Variants in RADIL observed in about 807,000 individuals in gnomAD.
The protein encoded by RADIL is ras-associating and dilute domain-containing protein.
RADIL carries 99 observed loss-of-function variants against 97.6 expected under a neutral mutation model. The observed-to-expected ratio is 1.01, with a 90% CI of 0.86 to 1.20. The LOEUF is 1.20. Ranked by LOEUF, RADIL falls within the 50% of genes most tolerant of loss-of-function variation. The pLI is 0.00. For synonymous variants in RADIL, 803 were observed against 691.8 expected (o/e 1.16, Z -2.52); for missense variants, 1,765 against 1,498.9 (o/e 1.18, Z -2.93).
rs73671960 is a variant in RADIL, at chr7:4,820,306, G to A, written c.1615+2088C>T. ...GAGAGGCGACGGGCGCTGTAGTCCC[G>A]GGAGCCCAGGAGCCCCAGGGGAGGC... On this transcript the variant is annotated intron_variant, in intron 6 of 14. Transcript: ENST00000399583. Among the ~76,000 whole-genome samples, 807 of 152,314 alleles carry A rather than the reference G, an allele frequency of 5.3e-3. 8 individuals carry two copies. Among genetic ancestry groups the A allele is most frequent in the African/African-American group, 0.019 (782 of 41,574 alleles).
Position 4,815,855 on chromosome 7 carries a change from G to T in RADIL, c.1966+373C>A, listed in dbSNP as rs1005869735. Among the ~76,000 whole-genome samples, 2 of 152,188 alleles carry T rather than the reference G, an allele frequency of 1.3e-5. No individual in the cohort carries two copies. The highest frequency in any genetic ancestry group is 2.9e-5 in the Non-Finnish European group (2 of 68,024). On this transcript the variant is annotated intron_variant, in intron 8 of 14. Transcript: ENST00000399583. This position sits in a 1 kb window ranked among gnomAD's most constrained non-coding sequence, Gnocchi z 8.0. ...TGGGGGAAGTCACTCCACAAGGCAG[G>T]GTCCAAGGCCAGAGTCCGCGGCTGC... is the stretch of plus-strand genomic sequence containing the variant.
rs566578135 is a variant in RADIL, at chr7:4,837,348, C to T, written c.536-743G>A. Among the ~76,000 whole-genome samples the T allele has an allele frequency of 7.9e-5, 12 of 152,306 alleles. No individual in the cohort carries two copies. The highest frequency in any genetic ancestry group is 1.3e-4 in the Non-Finnish European group (9 of 68,028). On this transcript the variant is annotated intron_variant, in intron 2 of 14. Coordinates refer to ENST00000399583, the MANE Select transcript of RADIL (RefSeq NM_018059.5). This position sits in a 1 kb window ranked among gnomAD's most constrained non-coding sequence, Gnocchi z 5.6. Reference sequence around the variant, plus strand: ...CTGCCCCATCCATCTGTGCACCAGGCGAAACTCCCCTGGGGGTGGTGCTCT... The same window carrying T: ...CTGCCCCATCCATCTGTGCACCAGGTGAAACTCCCCTGGGGGTGGTGCTCT...
intron 2 of RADIL, chr7:4,860,794 A>C (rs536555553): frequency 3.1e-6 from 5 of 1,614,146 alleles, no homozygotes; most frequent in Non-Finnish European, 1.7e-6. Context: ...TAAACTCCTC[A>C]ATCATGACCA....
At chr7:4,861,284 A>G in intron 2 of RADIL, 1 of 1,614,154 alleles carries the variant, frequency 6.2e-7, no homozygotes, top group East Asian at 2.2e-5. Flanking sequence ...AATAGTCTGT[A>G]GTGCTAATCT....
chr7:4,877,599 C>T lies in RADIL; in HGVS notation c.535+6G>A. Reference sequence around the variant, plus strand: ...CGGCTCTTCCTGAACCTGTGGCCCCCCTCACCTGCCGTGATGGTGTCCACC... The same window carrying T: ...CGGCTCTTCCTGAACCTGTGGCCCCTCTCACCTGCCGTGATGGTGTCCACC... On this transcript the variant is annotated splice_donor_region_variant and intron_variant, in intron 2 of 14. Coordinates refer to ENST00000399583, the MANE Select transcript of RADIL (RefSeq NM_018059.5). 1 of 1,583,166 alleles carries T rather than the reference C, an allele frequency of 6.3e-7. No individual in the cohort carries two copies. Among genetic ancestry groups the T allele is most frequent in the African/African-American group, 1.3e-5 (1 of 74,108 alleles).
intron 11 of RADIL, 144 bp from the exon 12 acceptor site, chr7:4,802,139 G>A (rs1782108901): frequency 2.9e-6 from 2 of 678,240 alleles, no homozygotes; most frequent in Non-Finnish European, 4.9e-6. Flanking sequence ...TGCAGCTTGA[G>A]ACGCGCAAGA....
chr7:4,834,500 G>A lies in RADIL; in HGVS notation c.1416+107C>T, dbSNP rs1583293409. 7 of 1,194,434 alleles carry A rather than the reference G, an allele frequency of 5.9e-6. No individual in the cohort carries two copies. Among genetic ancestry groups the A allele is most frequent in the South Asian group, 4.1e-5 (1 of 24,376 alleles). The allele number at this position is 1,194,434 out of a possible 1,614,324, so 74.0% of individuals were successfully genotyped here. ...GCCCTGCGCTCAGCAGCACAGCACC[G>A]TGGGGGTCAGATAGAGGCGCTCCCG... On this transcript the variant is annotated intron_variant, in intron 4 of 14. Transcript: ENST00000399583. The surrounding 1 kb of genome is among the most constrained non-coding windows in gnomAD (Gnocchi z 6.0).
chr7:4,870,588 C>A (rs1426865713), intron 2 of RADIL, among the ~76,000 whole-genome samples: 1 of 152,132 alleles, frequency 6.6e-6, no homozygotes, highest in East Asian at 1.9e-4. Flanking sequence ...ATTACAGGTG[C>A]CCACCACCAT....
Position 4,878,252 on chromosome 7 carries a change from G to C in RADIL, c.-64-49C>G. The C allele has an allele frequency of 1.0e-5, 12 of 1,203,978 alleles. No individual in the cohort carries two copies. Among genetic ancestry groups the C allele is most frequent in the Non-Finnish European group, 1.0e-5 (9 of 887,876 alleles). 74.6% of individuals were successfully genotyped at this position (1,203,978 alleles called of 1,614,324 possible). ...TAGCGCCAACCATCGTGACCACCAA[G>C]AGCAAATGAGGCCACAGGCGGTGAC... On this transcript the variant is annotated intron_variant, in intron 1 of 14. Transcript: ENST00000399583. The surrounding 1 kb of genome is among the most constrained non-coding windows in gnomAD (Gnocchi z 4.1).
At position 4,878,748 on chromosome 7, in the gene RADIL, C is replaced by T. The variant is rs1289472717; in HGVS notation, c.-64-545G>A. On this transcript the variant is annotated intron_variant, in intron 1 of 14. Transcript: ENST00000399583. The surrounding 1 kb of genome is among the most constrained non-coding windows in gnomAD (Gnocchi z 4.1). The stretch of plus-strand genomic sequence containing the variant: ...ACGCTCCGCTGCAGGGCTTGGATTT[C>T]TGGAAAGTGCTGGGCGCAGCGCCCG... Among the ~76,000 whole-genome samples, 1 of 152,224 alleles carries T rather than the reference C, an allele frequency of 6.6e-6. No individual in the cohort carries two copies. Among genetic ancestry groups the T allele is most frequent in the Non-Finnish European group, 1.5e-5 (1 of 68,038 alleles).
chr7:4,810,896 G>C (rs1782525601), intron 9 of RADIL, among the ~76,000 whole-genome samples: 1 of 152,216 alleles, frequency 6.6e-6, no homozygotes. Flanking sequence ...AGCACTTTGG[G>C]AATCTGAGGT....
intron 9 of RADIL, among the ~76,000 whole-genome samples, chr7:4,812,581 C>A (rs960953859): frequency 6.6e-6 from 1 of 152,132 alleles, no homozygotes; most frequent in African/African-American, 2.4e-5. Context: ...GCCACCACGC[C>A]CAGCTAATTT....
intron 2 of RADIL, among the ~76,000 whole-genome samples, chr7:4,862,789 C>A (rs1294790832): frequency 6.6e-6 from 1 of 151,736 alleles, no homozygotes; most frequent in African/African-American, 2.4e-5. Flanking sequence ...CCCAGCTACT[C>A]GGGAGGCTGA....
intron 8 of RADIL, 148 bp downstream of exon 8, chr7:4,816,080 C>T: frequency 1.4e-6 from 1 of 731,966 alleles, no homozygotes; most frequent in Non-Finnish European, 2.3e-6. Context: ...TCACTCTGGC[C>T]TCTCACCCCT....
chr7:4,861,769 C>A (rs763947119), intron 2 of RADIL: 3 of 1,486,198 alleles, frequency 2.0e-6, no homozygotes, highest in Admixed American at 2.5e-5. Flanking sequence ...GCGGCGGCGC[C>A]GGCTGCGGTG....
At chr7:4,799,800 CA>C (rs1782014552) in intron 13 of RADIL, 31 bp from the exon 14 acceptor site, 1 of 1,477,996 alleles carries the variant, frequency 6.8e-7, no homozygotes, top group Admixed American at 2.4e-5. Context: ...CAGAGCTCCG[CA>C]GGCCCGACTG....
chr7:4,803,694 T>C lies in RADIL; in HGVS notation c.2351A>G (p.Gln784Arg). The C allele has an allele frequency of 6.4e-7, 1 of 1,563,924 alleles. No homozygotes were observed. Among genetic ancestry groups the C allele is most frequent in the South Asian group, 1.2e-5 (1 of 84,936 alleles). Residue 784 changes from glutamine (Q) to arginine (R), a missense_variant, in exon 11 of 15, where the codon CAG (glutamine) becomes CGG (arginine). Gln to Arg is a conservative substitution (Grantham distance 43). Coordinates refer to ENST00000399583, the MANE Select transcript of RADIL (RefSeq NM_018059.5). ...CAGGCAGTTGGCTTCCAAGTCCACC[T>C]GGAAGCCGTCGCTGGGCAGGACGAT... is the stretch of plus-strand genomic sequence containing the variant. ...PPIVLPSDGF[Q>R]VDLEANCLDD...
chr7:4,875,856 G>A (rs550958786), intron 2 of RADIL, among the ~76,000 whole-genome samples: 1 of 152,244 alleles, frequency 6.6e-6, no homozygotes, highest in Admixed American at 6.5e-5. Context: ...CCACTGGATC[G>A]TGACATGGCA....
Position 4,832,460 on chromosome 7 carries a change from T to C in RADIL, c.1417-282A>G, listed in dbSNP as rs111523440. ...CGGCTATTTAAAAAATAGTAGAGGCTGGGCAAGGTGGCTCACACCTGGAAT... is the reference window on the plus strand; with the variant it reads ...CGGCTATTTAAAAAATAGTAGAGGCCGGGCAAGGTGGCTCACACCTGGAAT... On this transcript the variant is annotated intron_variant, in intron 4 of 14. Coordinates refer to ENST00000399583, the MANE Select transcript of RADIL (RefSeq NM_018059.5). 2.6e-5 allele frequency among the ~76,000 whole-genome samples: 4 copies of C among 152,238 alleles called. 1 individual carries two copies. The highest frequency in any genetic ancestry group is 9.6e-5 in the African/African-American group (4 of 41,544).
Sources: gnomAD v4.1 joint callset for allele counts (sites outside exome capture counted in the v4.1 genomes callset) on GRCh38, gnomAD v4.1.1 for gene constraint, Gnocchi (gnomAD v3.1) non-coding constraint, MANE v1.5 for transcripts, NCBI Gene and HGNC (gene_info 2026-07-23, HGNC 2026-07-21) for gene names.